DAB1: variants seen among roughly 807,000 people sequenced by gnomAD.
DAB1 encodes DAB adaptor protein 1.
In DAB1, 15 loss-of-function variants were observed where a neutral mutation model predicts 64.6. The ratio of observed to expected loss-of-function variants is 0.23; its 90% CI spans 0.16 to 0.36. The LOEUF is 0.36. DAB1 is among the 10% of genes least tolerant of loss of function. The pLI is 1.00. For missense variants in DAB1, 596 were observed against 706.7 expected, an observed-to-expected ratio of 0.84 and a Z score of 1.78; for synonymous variants, 235 against 251.9, an observed-to-expected ratio of 0.93 and a Z score of 0.64.
At chr1:57,930,310 C>G (rs76859524) in intron 5 of DAB1, among the ~76,000 whole-genome samples, 2,963 of 152,296 alleles carry the variant, frequency 0.019, 65 homozygotes, top group East Asian at 0.081. Flanking sequence ...TGGAAGTTGA[C>G]AAGTGTCAGT....
intron 7 of DAB1, among the ~76,000 whole-genome samples, chr1:57,544,906 A>G (rs1644840047): frequency 1.3e-5 from 2 of 152,218 alleles, no homozygotes; most frequent in Admixed American, 6.5e-5. Context: ...CTGTGAGTCA[A>G]TTAAACCTCT....
intron 6 of DAB1, among the ~76,000 whole-genome samples, chr1:57,792,278 T>G (rs1463236300): frequency 6.6e-6 from 1 of 152,190 alleles, no homozygotes; most frequent in Admixed American, 6.5e-5. Context: ...CTTCAATGCC[T>G]TTTCCTTTTA....
At chr1:58,128,563 TG>T (rs1447910701) in intron 5 of DAB1, among the ~76,000 whole-genome samples, 16 of 132,966 alleles carry the variant, frequency 1.2e-4, no homozygotes, top group African/African-American at 4.7e-4. Flanking sequence ...TTCCAGTTTT[TG>T]CCCATTCAGT....
At chr1:58,532,832 A>C (rs1646456070) in intron 1 of DAB1, among the ~76,000 whole-genome samples, 1 of 152,216 alleles carries the variant, frequency 6.6e-6, no homozygotes, top group South Asian at 2.1e-4. Context: ...AGTCAAGAAA[A>C]ATGTTTTTAA....
At chr1:58,518,378 GAAAAGAAAAGAA>G (rs1429467757) in intron 2 of DAB1, among the ~76,000 whole-genome samples, 2 of 149,300 alleles carry the variant, frequency 1.3e-5, no homozygotes, top group East Asian at 2.0e-4. Context: ...GAGAAGGGAA[GAAAAGAAAAGAA>G]AAAAGAAAAG....
intron 5 of DAB1, among the ~76,000 whole-genome samples, chr1:57,903,100 T>A (rs1477151910): frequency 6.6e-6 from 1 of 152,070 alleles, no homozygotes; most frequent in African/African-American, 2.4e-5. Context: ...TTATTCACTA[T>A]CATGAGAACA....
At chr1:57,443,403 T>C (rs1686024965) in intron 7 of DAB1, among the ~76,000 whole-genome samples, 2 of 152,212 alleles carry the variant, frequency 1.3e-5, no homozygotes, top group African/African-American at 4.8e-5. Context: ...CTTCAAGGTT[T>C]CTCCTTGCTC....
At chr1:57,798,514 G>A (rs1051644077) in intron 6 of DAB1, among the ~76,000 whole-genome samples, 3 of 152,146 alleles carry the variant, frequency 2.0e-5, no homozygotes, top group East Asian at 1.9e-4. Flanking sequence ...CCCCAACTAC[G>A]TGCTGATTCA....
At chr1:58,526,254 A>G (rs1646348182) in intron 2 of DAB1, among the ~76,000 whole-genome samples, 1 of 152,074 alleles carries the variant, frequency 6.6e-6, no homozygotes, top group Non-Finnish European at 1.5e-5. Context: ...ACTTAATCAC[A>G]TTTATTTAAC....
At chr1:57,766,710 C>G (rs890011176) in intron 6 of DAB1, among the ~76,000 whole-genome samples, 3 of 151,590 alleles carry the variant, frequency 2.0e-5, no homozygotes, top group African/African-American at 7.3e-5. Flanking sequence ...CTGACACTCA[C>G]TACCTGGAGT....
intron 5 of DAB1, among the ~76,000 whole-genome samples, chr1:58,082,019 T>G (rs1650027796): frequency 1.5e-5 from 2 of 132,396 alleles, no homozygotes; most frequent in African/African-American, 6.0e-5. Context: ...TACAAGAGAT[T>G]TGGCAGTCCT....
chr1:58,345,209 C>T (rs532313504), intron 3 of DAB1, among the ~76,000 whole-genome samples: 68 of 152,326 alleles, frequency 4.5e-4, no homozygotes, highest in African/African-American at 1.6e-3. Context: ...CTTAGCCTAC[C>T]TCAGTAGTCT....
chr1:57,548,110 G>C (rs1295791021), intron 7 of DAB1, among the ~76,000 whole-genome samples: 1 of 151,962 alleles, frequency 6.6e-6, no homozygotes, highest in Non-Finnish European at 1.5e-5. Context: ...TTCTCTGTCT[G>C]TCTGCATCCT....
At chr1:57,103,652 GC>G (rs1182685359) in intron 4 of DAB1, among the ~76,000 whole-genome samples, 2 of 152,024 alleles carry the variant, frequency 1.3e-5, no homozygotes, top group African/African-American at 4.8e-5. Context: ...CAGGTGCTTG[GC>G]CCCCCAGCAC....
intron 6 of DAB1, among the ~76,000 whole-genome samples, chr1:57,763,567 T>A (rs1417452676): frequency 6.6e-6 from 1 of 152,074 alleles, no homozygotes; most frequent in African/African-American, 2.4e-5. Context: ...TAGTCCTAAC[T>A]ACTTGGGAGG....
chr1:57,222,398 A>G (rs1666948461), intron 2 of DAB1, among the ~76,000 whole-genome samples: 1 of 152,176 alleles, frequency 6.6e-6, no homozygotes, highest in Non-Finnish European at 1.5e-5. Flanking sequence ...GGGAGCAATA[A>G]TAAGTCAGGG....
chr1:58,260,300 G>A (rs1661021754), intron 4 of DAB1, among the ~76,000 whole-genome samples: 1 of 152,146 alleles, frequency 6.6e-6, no homozygotes, highest in African/African-American at 2.4e-5. Context: ...CACCAGTTTA[G>A]GGAAAGAATA....
chr1:57,757,659 A>C (rs979730423), intron 6 of DAB1, among the ~76,000 whole-genome samples: 2 of 151,932 alleles, frequency 1.3e-5, no homozygotes, highest in Non-Finnish European at 2.9e-5. Context: ...CATCCTAATG[A>C]CCTCATTTTA....
At chr1:57,470,050 T>A (rs1395341418) in intron 7 of DAB1, among the ~76,000 whole-genome samples, 1 of 152,202 alleles carries the variant, frequency 6.6e-6, no homozygotes, top group East Asian at 1.9e-4. Flanking sequence ...TTTATAGCAG[T>A]TCGAGGATGA....
Sources: allele counts gnomAD v4.1 joint callset (sites outside exome capture counted in the v4.1 genomes callset), GRCh38; gene constraint gnomAD v4.1.1; transcripts MANE v1.5; gene names NCBI Gene and HGNC (gene_info 2026-07-23, HGNC 2026-07-21).